Variants in FXR1 observed in about 807,000 individuals in gnomAD.
The protein encoded by FXR1 is RNA-binding protein FXR1.
A neutral mutation model predicts 84.0 loss-of-function variants in FXR1; 15 were observed. The ratio of observed to expected loss-of-function variants is 0.18; its 90% CI spans 0.12 to 0.27. The LOEUF is 0.27. Ranked by LOEUF, FXR1 falls within the 10% of genes least tolerant of loss-of-function variation. FXR1 has a pLI of 1.00. For synonymous variants in FXR1, 245 were observed against 250.7 expected (o/e 0.98, Z 0.21); for missense variants, 480 against 774.4 (o/e 0.62, Z 4.51).
chr3:180,975,157 TA>T (rs1469419382), intron 15 of FXR1, among the ~76,000 whole-genome samples, 155 bp from the exon 16 acceptor site: 1 of 152,210 alleles, frequency 6.6e-6, no homozygotes, highest in Admixed American at 6.5e-5. Flanking sequence ...GGTAGATTTT[TA>T]AAGCTTTGTT....
intron 1 of FXR1, among the ~76,000 whole-genome samples, chr3:180,918,363 C>G (rs541000416): frequency 1.2e-3 from 175 of 147,706 alleles, no homozygotes; most frequent in African/African-American, 4.0e-3. Flanking sequence ...GTCTCAAACT[C>G]CTGGTCTCAA....
rs1291396675 is a variant in FXR1 at position 180,976,440 on chromosome 3, A to G, written c.*148A>G. 1 of 549,332 alleles carries G rather than the reference A, an allele frequency of 1.8e-6. No homozygotes were observed. The highest frequency in any genetic ancestry group is 1.9e-5 in the African/African-American group (1 of 51,604). 34.0% of individuals were successfully genotyped at this position (549,332 alleles called of 1,614,324 possible). ...GAATTCAAAAAGGGGAGGGATCCTGAAGAAATCATATGTTAAACATACTTT... is the reference window on the plus strand; with the variant it reads ...GAATTCAAAAAGGGGAGGGATCCTGGAGAAATCATATGTTAAACATACTTT... On this transcript the variant is annotated 3_prime_UTR_variant, in exon 17 of 17. Transcript: ENST00000357559.
rs1714468751 is a variant in FXR1 at position 180,978,965 on chromosome 3, A to G, written c.*2673A>G. On this transcript the variant is annotated 3_prime_UTR_variant, in exon 17 of 17. Coordinates refer to ENST00000357559, the MANE Select transcript of FXR1 (RefSeq NM_005087.4). ...TAACACTTCAGAAATAATTGGCAAA[A>G]GTGTAATAGGAATACACAAATCTTT... is the stretch of plus-strand genomic sequence containing the variant. 2 of 152,088 alleles carry G rather than the reference A, an allele frequency of 1.3e-5. No homozygotes were observed. The highest frequency in any genetic ancestry group is 4.8e-5 in the African/African-American group (2 of 41,430). The allele number at this position is 152,088 out of a possible 1,614,324, so 9.4% of individuals were successfully genotyped here. A position where few individuals can be genotyped will look rare whatever the true frequency, so the allele number is the denominator to read the frequency against.
At chr3:180,938,869 G>GTT (rs1424411859) in intron 3 of FXR1, among the ~76,000 whole-genome samples, 4 of 151,458 alleles carry the variant, frequency 2.6e-5, no homozygotes, top group African/African-American at 9.7e-5. Flanking sequence ...TCTTTTTTGT[G>GTT]TTTTTTTCTT....
intron 9 of FXR1, among the ~76,000 whole-genome samples, chr3:180,956,601 G>A (rs777805196): frequency 4.6e-5 from 7 of 152,102 alleles, no homozygotes; most frequent in Non-Finnish European, 1.0e-4. Flanking sequence ...GTTGCTGCTT[G>A]AGCTTCACTG....
Position 180,943,387 on chromosome 3 carries a change from C to G in FXR1, c.199-4478C>G, listed in dbSNP as rs545078006. 7.3e-5 allele frequency among the ~76,000 whole-genome samples: 11 copies of G among 150,218 alleles called. No individual in the cohort carries two copies. The South Asian group carries it at 2.3e-3, about 32-fold the overall frequency. ...AGGCGATTCTCCTGCCTCAACCTCC[C>G]AAGTAGCTGGGATTACGGGCGCCCG... On this transcript the variant is annotated intron_variant, in intron 3 of 16. Transcript: ENST00000357559.
Position 180,976,136 on chromosome 3 carries a change from T to C in FXR1, c.1710T>C (p.Ile570=). The stretch of plus-strand genomic sequence containing the variant: ...CCCTTTGGCAGGCAAAAGATGTGAT[T>C]GAAGAGCATGGTCCTTCAGAAAAGG... ...KNKKEMAKDV[I]EEHGPSEKAI... Residue 570 remains isoleucine (I), a synonymous_variant, in exon 17 of 17, where the codon ATT becomes ATC. Transcript: ENST00000357559. 2 of 1,607,452 alleles carry C rather than the reference T, an allele frequency of 1.2e-6. No homozygotes were observed. Among genetic ancestry groups the C allele is most frequent in the Non-Finnish European group, 1.7e-6 (2 of 1,177,974 alleles).
rs80163262 is a variant in FXR1, at chr3:180,917,345, C to A, written c.51+4609C>A. On this transcript the variant is annotated intron_variant, in intron 1 of 16. Coordinates refer to ENST00000357559, the MANE Select transcript of FXR1 (RefSeq NM_005087.4). ...GCGTTCAGAGGGTATGCTGACTTTT[C>A]AAGGTTAGTACAGAATCTTGTTAGT... Among the ~76,000 whole-genome samples, 83 of 152,208 alleles carry A rather than the reference C, an allele frequency of 5.5e-4. 1 individual carries two copies. Among genetic ancestry groups the A allele is most frequent in the African/African-American group, 1.9e-3 (78 of 41,520 alleles).
intron 1 of FXR1, among the ~76,000 whole-genome samples, chr3:180,925,730 G>GGGGC (rs1201538006): frequency 6.6e-6 from 1 of 152,184 alleles, no homozygotes; most frequent in Non-Finnish European, 1.5e-5. Flanking sequence ...AAGGTAGACT[G>GGGGC]GGGCCAGAGT....
rs1412702916 is a variant in FXR1, at chr3:180,962,863, CT to C, written c.1078-14del. ...AAAGTTATATATAAGAAGACTTACT[CT>C]TTTTTGTTTTGATTGTAGGAAGTAG... On this transcript the variant is annotated intron_variant, in intron 11 of 16. Coordinates refer to ENST00000357559, the MANE Select transcript of FXR1 (RefSeq NM_005087.4). 10 of 1,546,406 alleles carry C rather than the reference CT, an allele frequency of 6.5e-6. No individual in the cohort carries two copies. In the African/African-American group the frequency reaches 9.6e-5, roughly 15 times the overall value.
chr3:180,951,531 T>G, intron 8 of FXR1, 63 bp downstream of exon 8: 1 of 1,192,774 alleles, frequency 8.4e-7, no homozygotes, highest in Non-Finnish European at 1.2e-6. Context: ...TGATTATATT[T>G]TTATCTGAAA....
At chr3:180,959,840 C>T (rs978222539) in intron 10 of FXR1, among the ~76,000 whole-genome samples, 1 of 151,924 alleles carries the variant, frequency 6.6e-6, no homozygotes, top group Non-Finnish European at 1.5e-5. Flanking sequence ...TGCCCTGTTG[C>T]CTAAGTTTTA....
intron 13 of FXR1, among the ~76,000 whole-genome samples, chr3:180,966,559 T>C (rs1485559243): frequency 6.6e-6 from 1 of 152,212 alleles, no homozygotes; most frequent in Non-Finnish European, 1.5e-5. Context: ...GTTTAGCAAA[T>C]GAACTTCAAA....
Position 180,981,504 on chromosome 3 carries a change from A to C in FXR1, c.*5212A>C, listed in dbSNP as rs142318810. 1 of 152,196 alleles carries C rather than the reference A, an allele frequency of 6.6e-6. No individual in the cohort carries two copies. The highest frequency in any genetic ancestry group is 1.9e-4 in the East Asian group (1 of 5,178). The allele number at this position is 152,196 out of a possible 1,614,324, so 9.4% of individuals were successfully genotyped here. ...TTCTTACCAACAAAGCAGTTTTTATACAGCACCTTAGGACTCATTTCTAAT... is the reference window on the plus strand; with the variant it reads ...TTCTTACCAACAAAGCAGTTTTTATCCAGCACCTTAGGACTCATTTCTAAT... On this transcript the variant is annotated 3_prime_UTR_variant, in exon 17 of 17. Transcript: ENST00000357559.
At position 180,978,779 on chromosome 3, in the gene FXR1, T is replaced by C. The variant is rs1459645826; in HGVS notation, c.*2487T>C. ...TTCAGCATATATATGTGAATTCATA[T>C]ATGACACCTGAACGGAATCATGAAG... On this transcript the variant is annotated 3_prime_UTR_variant, in exon 17 of 17. Transcript: ENST00000357559. The C allele has an allele frequency of 6.6e-6, 1 of 152,098 alleles. No individual in the cohort carries two copies. Among genetic ancestry groups the C allele is most frequent in the Non-Finnish European group, 1.5e-5 (1 of 67,968 alleles). The allele number at this position is 152,098 out of a possible 1,614,324, so 9.4% of individuals were successfully genotyped here.
At chr3:180,963,194 T>G in intron 13 of FXR1, 104 bp downstream of exon 13, 1 of 616,396 alleles carries the variant, frequency 1.6e-6, no homozygotes, top group Admixed American at 3.0e-5. Context: ...TACTCTGTCT[T>G]GGCTTTGAGG....
chr3:180,921,531 A>G (rs1379236763), intron 1 of FXR1, among the ~76,000 whole-genome samples: 1 of 152,166 alleles, frequency 6.6e-6, no homozygotes, highest in African/African-American at 2.4e-5. Context: ...ATATTGTTTG[A>G]AGTTAAGACA....
At chr3:180,917,322 G>A (rs1020300003) in intron 1 of FXR1, among the ~76,000 whole-genome samples, 9 of 152,136 alleles carry the variant, frequency 5.9e-5, no homozygotes, top group African/African-American at 1.9e-4. Context: ...AAAAAGTTGC[G>A]TTCAGAGGGT....
chr3:180,941,247 A>G (rs1003807547), intron 3 of FXR1, among the ~76,000 whole-genome samples: 14 of 151,574 alleles, frequency 9.2e-5, no homozygotes, highest in African/African-American at 2.4e-4. Flanking sequence ...CTGGAGTACA[A>G]TGGTGCCATC....
Sources: allele counts gnomAD v4.1 joint callset (sites outside exome capture counted in the v4.1 genomes callset), GRCh38; gene constraint gnomAD v4.1.1; transcripts MANE v1.5; gene names NCBI Gene and HGNC (gene_info 2026-07-23, HGNC 2026-07-21).